LNX1: variants seen among roughly 807,000 people sequenced by gnomAD.
The protein encoded by LNX1 is E3 ubiquitin-protein ligase LNX.
A neutral mutation model predicts 68.4 loss-of-function variants in LNX1; 54 were observed. The ratio of observed to expected loss-of-function variants is 0.79; its 90% CI spans 0.63 to 0.99. The LOEUF is 0.99. Among genes scored for constraint, LNX1 ranks in the 50% least tolerant of loss-of-function variants. The pLI is 0.00. For synonymous variants in LNX1, 336 were observed against 350.0 expected, an observed-to-expected ratio of 0.96 and a Z score of 0.45; for missense variants, 906 against 926.4, an observed-to-expected ratio of 0.98 and a Z score of 0.29.
At chr4:53,545,703 T>C (rs1729063117) in intron 2 of LNX1, among the ~76,000 whole-genome samples, 1 of 152,062 alleles carries the variant, frequency 6.6e-6, no homozygotes, top group South Asian at 2.1e-4. Flanking sequence ...CATTAAAACC[T>C]GATTTAAGGA....
At chr4:53,517,191 C>A (rs1244919055) in intron 2 of LNX1, among the ~76,000 whole-genome samples, 1 of 152,108 alleles carries the variant, frequency 6.6e-6, no homozygotes, top group East Asian at 1.9e-4. Context: ...TTGCTCCTTT[C>A]ATTAGAGTCT....
chr4:53,619,503 G>A (rs1005444737), upstream of LNX1, among the ~76,000 whole-genome samples: 3 of 152,090 alleles, frequency 2.0e-5, no homozygotes, highest in Admixed American at 1.3e-4. Flanking sequence ...AGTTTCATGC[G>A]TGTTGGGTCA....
At position 53,477,605 on chromosome 4, in the gene LNX1, C is replaced by G. The variant is rs907441583; in HGVS notation, c.1664-624G>C. On this transcript the variant is annotated intron_variant, in intron 8 of 10. Transcript: ENST00000263925. ...GTTCTGTTAACAAGTCATTTGTTAA[C>G]AAGCCACTTTGTTTGGCCTCATCAT... Among the ~76,000 whole-genome samples the G allele has an allele frequency of 2.4e-3, 362 of 152,222 alleles. 2 individuals carry two copies. The highest frequency in any genetic ancestry group is 8.3e-3 in the African/African-American group (346 of 41,578).
Position 53,460,837 on chromosome 4 carries a change from G to C in LNX1, c.*70C>G. 1 of 1,353,734 alleles carries C rather than the reference G, an allele frequency of 7.4e-7. No individual in the cohort carries two copies. Among genetic ancestry groups the C allele is most frequent in the Admixed American group, 2.3e-5 (1 of 42,812 alleles). 83.9% of individuals were successfully genotyped at this position (1,353,734 alleles called of 1,614,324 possible). ...TTTCTTTAAATATAAAAACTGACAA[G>C]ATAAATATAGTGTTTCAACTTCTTA... On this transcript the variant is annotated 3_prime_UTR_variant, in exon 11 of 11. Transcript: ENST00000263925.
chr4:53,609,831 T>C (rs1733407417), intron 2 of LNX1, among the ~76,000 whole-genome samples: 1 of 147,168 alleles, frequency 6.8e-6, no homozygotes, highest in Non-Finnish European at 1.5e-5. Flanking sequence ...AATTTCTACA[T>C]AATGCTATAT....
rs560786672 is a variant in LNX1, at chr4:53,584,492, G to C, written c.-87+6896C>G. 5.9e-5 allele frequency among the ~76,000 whole-genome samples: 9 copies of C among 152,342 alleles called. No homozygotes were observed. The East Asian group carries it at 1.7e-3, about 29-fold the overall frequency. On this transcript the variant is annotated intron_variant, in intron 1 of 10. Transcript: ENST00000263925. ...CAAGCTTTGGAGGAGAGACAATAGA[G>C]AGTGCATGTGGCCCAGAACAATCAA...
chr4:53,488,451 A>G (rs1192444621), intron 6 of LNX1, among the ~76,000 whole-genome samples: 2 of 152,216 alleles, frequency 1.3e-5, no homozygotes, highest in African/African-American at 2.4e-5. Context: ...AAAAAATGTA[A>G]TAAGTTCTGG....
At chr4:53,473,082 G>A (rs1026202385) in intron 9 of LNX1, among the ~76,000 whole-genome samples, 1 of 151,612 alleles carries the variant, frequency 6.6e-6, no homozygotes, top group Non-Finnish European at 1.5e-5. Context: ...TGGTTAGTGA[G>A]GTAAAAAAAG....
chr4:53,531,555 A>T (rs1728025232), intron 2 of LNX1, among the ~76,000 whole-genome samples: 1 of 152,232 alleles, frequency 6.6e-6, no homozygotes, highest in African/African-American at 2.4e-5. Flanking sequence ...TTTTTGGTAT[A>T]AATGATTTTA....
chr4:53,498,151 A>G (rs1725202196), intron 5 of LNX1, among the ~76,000 whole-genome samples: 1 of 152,174 alleles, frequency 6.6e-6, no homozygotes, highest in East Asian at 1.9e-4. Context: ...TTTTATTTTC[A>G]GGGAGGGCCG....
chr4:53,557,509 C>T (rs1188617076), intron 2 of LNX1, among the ~76,000 whole-genome samples: 2 of 151,708 alleles, frequency 1.3e-5, no homozygotes, highest in East Asian at 1.9e-4. Flanking sequence ...TTATAAATAC[C>T]CAATAGAGGC....
At chr4:53,643,730 G>T (rs182689654) in intron 1 of LNX1, among the ~76,000 whole-genome samples, 1 of 152,178 alleles carries the variant, frequency 6.6e-6, no homozygotes, top group Non-Finnish European at 1.5e-5. Flanking sequence ...GTAACCTTGG[G>T]CAGCTTGCTA....
intron 2 of LNX1, among the ~76,000 whole-genome samples, chr4:53,560,972 C>T (rs1278084635): frequency 6.6e-6 from 1 of 152,174 alleles, no homozygotes; most frequent in Non-Finnish European, 1.5e-5. Flanking sequence ...CTAATCTTTG[C>T]CCTATTCTTT....
At chr4:53,548,508 T>C (rs963064290) in intron 2 of LNX1, among the ~76,000 whole-genome samples, 6 of 152,194 alleles carry the variant, frequency 3.9e-5, no homozygotes, top group Non-Finnish European at 8.8e-5. Context: ...TGCAAGATTA[T>C]TGCCCTGTGG....
chr4:53,473,100 A>G (rs1723345443), intron 9 of LNX1, among the ~76,000 whole-genome samples: 1 of 152,184 alleles, frequency 6.6e-6, no homozygotes, highest in Non-Finnish European at 1.5e-5. Context: ...AAGAAAAGAA[A>G]AGAAAAGAAA....
intron 9 of LNX1, among the ~76,000 whole-genome samples, chr4:53,469,004 C>T (rs923088192): frequency 5.3e-5 from 8 of 152,184 alleles, no homozygotes; most frequent in African/African-American, 1.2e-4. Flanking sequence ...TAGACATCTA[C>T]GGAACTCTCC....
At chr4:53,493,706 G>C (rs1437158165) in intron 6 of LNX1, among the ~76,000 whole-genome samples, 1 of 152,182 alleles carries the variant, frequency 6.6e-6, no homozygotes, top group Non-Finnish European at 1.5e-5. Context: ...CTTGGTGCAG[G>C]GCTAGTCAGT....
upstream of LNX1, among the ~76,000 whole-genome samples, chr4:53,620,307 C>T (rs758215883): frequency 2.0e-5 from 3 of 152,094 alleles, no homozygotes; most frequent in Non-Finnish European, 4.4e-5. Flanking sequence ...GCATTATAAC[C>T]TGTGAACATA....
At chr4:53,469,240 A>C (rs1017672007) in intron 9 of LNX1, among the ~76,000 whole-genome samples, 3 of 152,222 alleles carry the variant, frequency 2.0e-5, no homozygotes, top group Non-Finnish European at 2.9e-5. Flanking sequence ...CTGAATGACT[A>C]CTAGGTACAT....
Sources: gnomAD v4.1 joint callset for allele counts (sites outside exome capture counted in the v4.1 genomes callset) on GRCh38, gnomAD v4.1.1 for gene constraint, MANE v1.5 for transcripts, NCBI Gene and HGNC (gene_info 2026-07-23, HGNC 2026-07-21) for gene names.